Variants in BBS7 observed in about 807,000 individuals in gnomAD.
BBS7 encodes the protein BBSome complex member BBS7.
Under a neutral mutation model 90.3 loss-of-function variants are expected in BBS7, and 50 were observed. That is an observed-to-expected ratio of 0.55 (90% CI 0.44 to 0.70). The LOEUF is 0.70. BBS7 is among the 30% of genes least tolerant of loss of function. The pLI, the probability that BBS7 is intolerant of heterozygous loss-of-function variation, is 0.00. For missense variants in BBS7, 729 were observed against 838.9 expected (o/e 0.87, Z 1.62); for synonymous variants, 235 against 287.4 (o/e 0.82, Z 1.85).
chr4:121,841,242 GGA>G (rs1470403372), intron 12 of BBS7, among the ~76,000 whole-genome samples: 1 of 152,036 alleles, frequency 6.6e-6, no homozygotes, highest in Non-Finnish European at 1.5e-5. Flanking sequence ...GGAGTGGGAA[GGA>G]GAGGGTGAAG....
intron 1 of BBS7, among the ~76,000 whole-genome samples, chr4:121,868,458 G>A (rs1315290128): frequency 6.6e-6 from 1 of 151,984 alleles, no homozygotes; most frequent in Non-Finnish European, 1.5e-5. Context: ...TGAAGTGGGA[G>A]GATCACTTGA....
At chr4:121,862,128 T>C (rs1415697495) in intron 3 of BBS7, among the ~76,000 whole-genome samples, 4 of 152,158 alleles carry the variant, frequency 2.6e-5, no homozygotes, top group African/African-American at 9.7e-5. Context: ...AATGAACATG[T>C]TTTTACACTT....
intron 12 of BBS7, among the ~76,000 whole-genome samples, chr4:121,841,923 C>T (rs1250189551): frequency 6.6e-6 from 1 of 151,940 alleles, no homozygotes; most frequent in African/African-American, 2.4e-5. Context: ...GTTATAAAAT[C>T]GCTTATTAAA....
At position 121,855,691 on chromosome 4, in the gene BBS7, G is replaced by C. The variant is rs1480865541; in HGVS notation, c.529-130C>G. 3 of 849,506 alleles carry C rather than the reference G, an allele frequency of 3.5e-6. No homozygotes were observed. The African/African-American group carries it at 5.1e-5, about 14-fold the overall frequency. The allele number at this position is 849,506 out of a possible 1,614,324, so 52.6% of individuals were successfully genotyped here. A position where few individuals can be genotyped will look rare whatever the true frequency, so the allele number is the denominator to read the frequency against. On this transcript the variant is annotated intron_variant, in intron 5 of 18. Coordinates refer to ENST00000264499, the MANE Select transcript of BBS7 (RefSeq NM_176824.3). ...AGAATAAAATTGCTTTAAAAATTAG[G>C]TTACGAATACAACTTGCATTTGTTA...
rs34910805 is a variant in BBS7, at chr4:121,868,684, C to CAAAAAAAAAAAAAAAAAAAAAAAA, written c.37-662_37-639dup. Among the ~76,000 whole-genome samples, 2 of 49,684 alleles carry CAAAAAAAAAAAAAAAAAAAAAAAA rather than the reference C, an allele frequency of 4.0e-5. 1 individual carries two copies. The highest frequency in any genetic ancestry group is 1.8e-4 in the African/African-American group (2 of 11,056). The allele number at this position is 49,684 out of a possible 152,430, so 32.6% of individuals were successfully genotyped here. A position where few individuals can be genotyped will look rare whatever the true frequency, so the allele number is the denominator to read the frequency against. On this transcript the variant is annotated intron_variant, in intron 1 of 18. Coordinates refer to ENST00000264499, the MANE Select transcript of BBS7 (RefSeq NM_176824.3). ...TGCGTGACAGAACAAGACCCTGTTTCAAAAAAAAAAAAAAAAAAAAAAAAA... is the reference window on the plus strand; with the variant it reads ...TGCGTGACAGAACAAGACCCTGTTTCAAAAAAAAAAAAAAAAAAAAAAAAAAAAAAAAAAAAAAAAAAAAAAAAA...
In BBS7 at chr4:121,847,988, C is replaced by T. The variant is rs549658250; in HGVS notation, c.935-482G>A. Reference sequence around the variant, plus strand: ...GTTTTTATAAGACATGTACATAGTCCAAAACATAAAATAAATCTCAATAAG... The same window carrying T: ...GTTTTTATAAGACATGTACATAGTCTAAAACATAAAATAAATCTCAATAAG... On this transcript the variant is annotated intron_variant, in intron 9 of 18. Transcript: ENST00000264499. 4.6e-5 allele frequency among the ~76,000 whole-genome samples: 7 copies of T among 151,942 alleles called. No homozygotes were observed. In the South Asian group the frequency reaches 6.2e-4, roughly 13 times the overall value.
Position 121,824,547 on chromosome 4 carries a change from T to C in BBS7, c.*1313A>G, listed in dbSNP as rs1724817645. ...AATTTAAGATGGCACCTTGAACTAC[T>C]GTTGATATATATAATAAATAGCAGT... On this transcript the variant is annotated 3_prime_UTR_variant, in exon 19 of 19. Transcript: ENST00000264499. This position sits in a 1 kb window ranked among gnomAD's most constrained non-coding sequence, Gnocchi z 4.1. 1.3e-5 allele frequency: 2 copies of C among 152,192 alleles called. No homozygotes were observed. The highest frequency in any genetic ancestry group is 4.8e-5 in the African/African-American group (2 of 41,440). The allele number at this position is 152,192 out of a possible 1,614,324, so 9.4% of individuals were successfully genotyped here. A position where few individuals can be genotyped will look rare whatever the true frequency, so the allele number is the denominator to read the frequency against.
At chr4:121,864,014 C>T (rs1386296725) in intron 2 of BBS7, among the ~76,000 whole-genome samples, 2 of 152,146 alleles carry the variant, frequency 1.3e-5, no homozygotes, top group East Asian at 1.9e-4. Flanking sequence ...CTCCGCCTCC[C>T]GTCAGATCAG....
intron 13 of BBS7, among the ~76,000 whole-genome samples, chr4:121,837,439 A>G (rs1051472320): frequency 6.6e-6 from 1 of 152,060 alleles, no homozygotes; most frequent in African/African-American, 2.4e-5. Context: ...TTTATTTTTT[A>G]TATATGGCTT....
At position 121,833,013 on chromosome 4, in the gene BBS7, T is replaced by C. The variant is rs1054116149; in HGVS notation, c.1676+218A>G. The stretch of plus-strand genomic sequence containing the variant: ...TTTATTTTCTCACTAGTTATTGTTA[T>C]TGTTATTGTTGGGAACTTAGGAAAT... On this transcript the variant is annotated intron_variant, in intron 15 of 18. Transcript: ENST00000264499. Among the ~76,000 whole-genome samples the C allele has an allele frequency of 2.6e-5, 4 of 152,200 alleles. No homozygotes were observed. In the South Asian group the frequency reaches 6.2e-4, roughly 24 times the overall value.
intron 11 of BBS7, among the ~76,000 whole-genome samples, chr4:121,844,532 G>GT (rs1383680457): frequency 1.4e-5 from 1 of 71,924 alleles, no homozygotes; most frequent in Admixed American, 1.8e-4. Context: ...TCTGCCTTTA[G>GT]GTTTTTTTTT....
In BBS7 at chr4:121,839,713, G is replaced by C. The variant is rs752656506; in HGVS notation, c.1306-17C>G. The C allele has an allele frequency of 6.2e-7, 1 of 1,606,446 alleles. No homozygotes were observed. The highest frequency in any genetic ancestry group is 1.1e-5 in the South Asian group (1 of 90,892). On this transcript the variant is annotated splice_polypyrimidine_tract_variant and intron_variant, in intron 12 of 18. Transcript: ENST00000264499. ...GTCGTTTGACTGGGAAGAATACAAA[G>C]TGGAGGAAAAGAATGAATCCATGTT...
intron 9 of BBS7, among the ~76,000 whole-genome samples, chr4:121,847,803 A>G (rs747181298): frequency 2.0e-5 from 3 of 152,166 alleles, no homozygotes; most frequent in South Asian, 4.1e-4. Context: ...ATAAGTCAAC[A>G]TAGTCTAGCA....
rs567479347 is a variant in BBS7 at position 121,865,246 on chromosome 4, T to C, written c.103-1967A>G. ...AGGATTTCATTCTTCTCTCTCTTTT[T>C]TTTTTTTTTGAGACAGAGTTTTGCC... is the stretch of plus-strand genomic sequence containing the variant. On this transcript the variant is annotated intron_variant, in intron 2 of 18. Transcript: ENST00000264499. Among the ~76,000 whole-genome samples, 1,114 of 152,138 alleles carry C rather than the reference T, an allele frequency of 7.3e-3. 12 individuals are homozygous for C. The highest frequency in any genetic ancestry group is 0.026 in the African/African-American group (1,060 of 41,520).
Position 121,828,116 on chromosome 4 carries a change from T to C in BBS7, c.2014+30A>G, listed in dbSNP as rs773500635. 7.4e-6 allele frequency: 12 copies of C among 1,611,146 alleles called. No individual in the cohort carries two copies. In the South Asian group the frequency reaches 1.2e-4, roughly 16 times the overall value. On this transcript the variant is annotated intron_variant, in intron 18 of 18. Transcript: ENST00000264499. ...GGAAATAGCCAGTTGAAAAGAAATA[T>C]GGCAAGGTATTCTAGAATGGTCCAC...
At chr4:121,861,715 T>C (rs753353714) in intron 3 of BBS7, 36 bp from the exon 4 acceptor site, 4 of 1,609,060 alleles carry the variant, frequency 2.5e-6, no homozygotes, top group Non-Finnish European at 3.4e-6. Context: ...GTACACAAAT[T>C]ACTTTATTGT....
intron 5 of BBS7, among the ~76,000 whole-genome samples, chr4:121,857,554 C>T (rs766654404): frequency 1.3e-5 from 2 of 151,960 alleles, no homozygotes; most frequent in Non-Finnish European, 2.9e-5. Context: ...CAGAGATAGA[C>T]GGGGAGTGAG....
intron 1 of BBS7, among the ~76,000 whole-genome samples, chr4:121,869,823 G>A (rs570557060): frequency 6.6e-6 from 1 of 152,356 alleles, no homozygotes; most frequent in Admixed American, 6.5e-5. Flanking sequence ...ACAGGCGTGA[G>A]CCACTGCCCC....
At chr4:121,852,375 C>T (rs1425952755) in intron 8 of BBS7, among the ~76,000 whole-genome samples, 2 of 152,016 alleles carry the variant, frequency 1.3e-5, no homozygotes, top group Non-Finnish European at 2.9e-5. Context: ...AACACTAGTT[C>T]ATGAAAATTA....
Sources: allele counts gnomAD v4.1 joint callset (sites outside exome capture counted in the v4.1 genomes callset), GRCh38; gene constraint gnomAD v4.1.1; non-coding constraint Gnocchi (gnomAD v3.1); transcripts MANE v1.5; gene names NCBI Gene and HGNC (gene_info 2026-07-23, HGNC 2026-07-21).